Variants in PFKL observed in about 807,000 individuals in gnomAD.
The protein encoded by PFKL is ATP-dependent 6-phosphofructokinase, liver type.
A neutral mutation model predicts 92.1 loss-of-function variants in PFKL; 74 were observed. The ratio of observed to expected loss-of-function variants is 0.80; its 90% CI spans 0.67 to 0.97. PFKL has a LOEUF of 0.97. Among genes scored for constraint, PFKL ranks in the 50% least tolerant of loss-of-function variants. The probability of loss-of-function intolerance (pLI) is 0.00; values close to 1 mark genes in which losing one functional copy is unlikely to be tolerated. For synonymous variants in PFKL, 494 were observed against 456.4 expected, an observed-to-expected ratio of 1.08 and a Z score of -1.05; for missense variants, 1,028 against 1,116.6, an observed-to-expected ratio of 0.92 and a Z score of 1.13.
At position 44,327,080 on chromosome 21, in the gene PFKL, G is replaced by T; in HGVS notation, c.*218G>T. The T allele has an allele frequency of 1.7e-6, 1 of 584,514 alleles. No individual in the cohort carries two copies. Among genetic ancestry groups the T allele is most frequent in the South Asian group, 2.0e-5 (1 of 49,378 alleles). 36.2% of individuals were successfully genotyped at this position (584,514 alleles called of 1,614,324 possible). On this transcript the variant is annotated 3_prime_UTR_variant, in exon 22 of 22. Transcript: ENST00000349048. ...CCAGGCCCTCCAGCAGGAGGACAGA[G>T]TGCCCTGGGGCATCCACCTTCCTGC...
intron 19 of PFKL, 45 bp downstream of exon 19, chr21:44,325,309 T>C: frequency 7.7e-7 from 1 of 1,290,836 alleles, no homozygotes; most frequent in Non-Finnish European, 1.1e-6. Context: ...CCCTCTTTCC[T>C]GCCACCATCT....
intron 2 of PFKL, among the ~76,000 whole-genome samples, chr21:44,307,084 C>G (rs944692537): frequency 6.6e-6 from 1 of 152,180 alleles, no homozygotes; most frequent in African/African-American, 2.4e-5. Context: ...CCACCACACC[C>G]CTGCCTGGTG....
At chr21:44,311,729 AGGCTTGAGCCCTGGAGGCCCT>A (rs1321553859) in intron 3 of PFKL, among the ~76,000 whole-genome samples, 2 of 152,130 alleles carry the variant, frequency 1.3e-5, no homozygotes, top group African/African-American at 2.4e-5. Flanking sequence ...GGAGCTGCTG[AGGCTTGAGCCCTGGAGGCCCT>A]GGCCGGTTCC....
At chr21:44,305,774 C>CCTCCCCCGTTAATGTCCCT (rs1473803800) in intron 1 of PFKL, 1 of 1,365,478 alleles carries the variant, frequency 7.3e-7, no homozygotes, top group Middle Eastern at 2.2e-4. Flanking sequence ...CTGAGTGCCG[C>CCTCCCCCGTTAATGTCCCT]CTCCCCCGTT....
At chr21:44,325,301 C>G (rs2047472146) in intron 19 of PFKL, 37 bp downstream of exon 19, 1 of 1,353,214 alleles carries the variant, frequency 7.4e-7, no homozygotes, top group Non-Finnish European at 1.1e-6. Flanking sequence ...AGGCCTGCCC[C>G]TCTTTCCTGC....
intron 12 of PFKL, chr21:44,321,003 G>C (rs2047340856): frequency 6.6e-6 from 1 of 152,272 alleles, no homozygotes; most frequent in Non-Finnish European, 1.5e-5. Flanking sequence ...TAGTCAGCGG[G>C]CTCTACCCTC....
At position 44,324,902 on chromosome 21, in the gene PFKL, G is replaced by A; in HGVS notation, c.1862G>A (p.Arg621Lys). 6.2e-7 allele frequency: 1 copy of A among 1,607,712 alleles called. No individual in the cohort carries two copies. The highest frequency in any genetic ancestry group is 8.5e-7 in the Non-Finnish European group (1 of 1,177,342). Residue 621 changes from arginine (R) to lysine (K), a missense_variant, in exon 18 of 22, where the codon AGG becomes AAG. Coordinates refer to ENST00000349048, the MANE Select transcript of PFKL (RefSeq NM_002626.6). ...GAGAAGATGAAGACAGACATTCAGA[G>A]GGGCCTGGTGCTGCGGTGAGGCTGC... is the stretch of plus-strand genomic sequence containing the variant. Reference protein sequence around the residue: ...MTEKMKTDIQRGLVLRNEKCH... With the variant: ...MTEKMKTDIQKGLVLRNEKCH...
intron 1 of PFKL, 23 bp from the exon 2 acceptor site, chr21:44,306,658 C>T (rs747092357): frequency 1.9e-6 from 3 of 1,609,174 alleles, no homozygotes; most frequent in East Asian, 2.2e-5. Context: ...GTGGGACTGA[C>T]AGGTTTGCCC....
In PFKL at chr21:44,326,165, T is replaced by G; in HGVS notation, c.2096T>G (p.Val699Gly). 1 of 1,612,300 alleles carries G rather than the reference T, an allele frequency of 6.2e-7. No individual in the cohort carries two copies. The highest frequency in any genetic ancestry group is 1.1e-5 in the South Asian group (1 of 90,878). ...CACGTGCCTCTGTTTGCAGGACGGG[T>G]GTTCGCCAATGCCCCAGACTCGGCC... The part of the protein sequence containing the change: ...KLREVYRKGR[V>G]FANAPDSACV... The change falls in exon 21 of 22, where the codon GTG (valine) becomes GGG (glycine). Residue 699 changes from valine to glycine, a missense_variant. Coordinates refer to ENST00000349048, the MANE Select transcript of PFKL (RefSeq NM_002626.6).
At chr21:44,311,214 A>G in intron 3 of PFKL, 131 bp downstream of exon 3, 13 of 673,514 alleles carry the variant, frequency 1.9e-5, no homozygotes, top group South Asian at 1.4e-4. Context: ...ACACACAGAC[A>G]TGCACACAGA....
chr21:44,321,614 C>A, intron 12 of PFKL, 115 bp from the exon 13 acceptor site: 2 of 1,063,774 alleles, frequency 1.9e-6, no homozygotes, highest in African/African-American at 1.7e-5. Context: ...AGCGTCCAGG[C>A]TGCTGGCAGG....
intron 14 of PFKL, 118 bp downstream of exon 14, chr21:44,322,321 T>C: frequency 1.1e-6 from 1 of 932,668 alleles, no homozygotes; most frequent in Non-Finnish European, 1.6e-6. Context: ...CCCCTCTTCC[T>C]GCTGGTGGTC....
At position 44,324,493 on chromosome 21, in the gene PFKL, C is replaced by T; in HGVS notation, c.1653C>T (p.Ser551=). 1 of 1,613,212 alleles carries T rather than the reference C, an allele frequency of 6.2e-7. No homozygotes were observed. Reference sequence around the variant, plus strand: ...CCCGACCCCCCCTTGTCCCCCAGAGCTGTGACCGCATCAAACAGTCTGCCT... The same window carrying T: ...CCCGACCCCCCCTTGTCCCCCAGAGTTGTGACCGCATCAAACAGTCTGCCT... ...SDTAVNAAME[S]CDRIKQSASG... Residue 551 remains serine, a splice_region_variant and synonymous_variant, in exon 17 of 22, where the codon AGC becomes AGT. Coordinates refer to ENST00000349048, the MANE Select transcript of PFKL (RefSeq NM_002626.6).
intron 18 of PFKL, 87 bp from the exon 19 acceptor site, chr21:44,325,066 T>C: frequency 8.4e-7 from 1 of 1,191,378 alleles, no homozygotes; most frequent in Non-Finnish European, 1.2e-6. Context: ...TGCCACTCCC[T>C]CTCCCAGGCC....
In PFKL at chr21:44,324,647, G is replaced by A. The variant is rs909938491; in HGVS notation, c.1807G>A (p.Asp603Asn). Reference sequence around the variant, plus strand: ...CTTCGAGGACCCTTTCAACATCCACGACTTAAAGGTGAGCCCAGCCCAGCC... The same window carrying A: ...CTTCGAGGACCCTTTCAACATCCACAACTTAAAGGTGAGCCCAGCCCAGCC... ...YVFEDPFNIH[D>N]LKVNVEHMTE... Residue 603 changes from aspartate (D) to asparagine (N), a missense_variant, in exon 17 of 22, where the codon GAC (aspartate) becomes AAC (asparagine). Physicochemically the swap from Asp to Asn is conservative, Grantham distance 23. Transcript: ENST00000349048. 34 of 1,588,300 alleles carry A rather than the reference G, an allele frequency of 2.1e-5. No individual in the cohort carries two copies. The highest frequency in any genetic ancestry group is 5.2e-5 in the Admixed American group (3 of 58,250).
chr21:44,304,266 C>T (rs959026449), intron 1 of PFKL: 57 of 1,289,100 alleles, frequency 4.4e-5, no homozygotes, highest in East Asian at 1.7e-4. Flanking sequence ...GCCCCTTTGC[C>T]GTTCCCAGGT....
At chr21:44,310,283 G>C (rs2041077617) in intron 2 of PFKL, among the ~76,000 whole-genome samples, 1 of 152,242 alleles carries the variant, frequency 6.6e-6, no homozygotes, top group African/African-American at 2.4e-5. Context: ...GGAAATCCCA[G>C]GTAGAACCGC....
At position 44,324,575 on chromosome 21, in the gene PFKL, C is replaced by T. The variant is rs759654591; in HGVS notation, c.1735C>T (p.Leu579=). The change falls in exon 17 of 22, where the codon CTG becomes TTG. Residue 579 remains leucine (L), a synonymous_variant. Coordinates refer to ENST00000349048, the MANE Select transcript of PFKL (RefSeq NM_002626.6). ...VETMGGYCGY[L]ATVTGIAVGA... is the part of the protein sequence containing the mutation. ...GACCATGGGGGGTTACTGTGGCTACCTGGCCACCGTGACTGGCATTGCTGT... is the reference window on the plus strand; with the variant it reads ...GACCATGGGGGGTTACTGTGGCTACTTGGCCACCGTGACTGGCATTGCTGT... The T allele has an allele frequency of 1.2e-6, 2 of 1,612,974 alleles. No homozygotes were observed. Among genetic ancestry groups the T allele is most frequent in the African/African-American group, 2.7e-5 (2 of 74,892 alleles).
chr21:44,304,613 C>T (rs1325566949), intron 1 of PFKL, among the ~76,000 whole-genome samples: 2 of 124,512 alleles, frequency 1.6e-5, no homozygotes, highest in South Asian at 2.4e-4. Flanking sequence ...CCACCTTGGA[C>T]GCCCAGCCTC....
Sources: allele counts gnomAD v4.1 joint callset (sites outside exome capture counted in the v4.1 genomes callset), GRCh38; gene constraint gnomAD v4.1.1; transcripts MANE v1.5; gene names NCBI Gene and HGNC (gene_info 2026-07-23, HGNC 2026-07-21).